Variants in USH2A observed in about 807,000 individuals in gnomAD.
USH2A encodes the protein usherin, also known as Usher syndrome 2A (autosomal recessive, mild).
A neutral mutation model predicts 538.9 loss-of-function variants in USH2A; 443 were observed. The ratio of observed to expected loss-of-function variants is 0.82; its 90% CI spans 0.76 to 0.89. USH2A has a LOEUF of 0.89. Ranked by LOEUF, USH2A falls within the 40% of genes least tolerant of loss-of-function variation. The pLI is 0.00. For missense variants in USH2A, 6,633 were observed against 6,324.8 expected (o/e 1.05, Z -1.65); for synonymous variants, 2,413 against 2,273.5 (o/e 1.06, Z -1.75).
At position 216,331,173 on chromosome 1, in the gene USH2A, G is replaced by A. The variant is rs1201513251; in HGVS notation, c.785-3519C>T. 4.6e-5 allele frequency among the ~76,000 whole-genome samples: 7 copies of A among 151,982 alleles called. No homozygotes were observed. In the East Asian group the frequency reaches 1.4e-3, roughly 29 times the overall value. ...CCCAAATAAAAGAATTATGATTTGA[G>A]GTGAGAATACTATCAAATATTTCAA... On this transcript the variant is annotated intron_variant, in intron 4 of 71. Coordinates refer to ENST00000307340, the MANE Select transcript of USH2A (RefSeq NM_206933.4).
At chr1:215,738,679 G>C (rs1353759755) in intron 60 of USH2A, among the ~76,000 whole-genome samples, 2 of 152,138 alleles carry the variant, frequency 1.3e-5, no homozygotes, top group Non-Finnish European at 2.9e-5. Context: ...TTGGTGAGAA[G>C]AGAGTGGCAA....
chr1:215,669,003 A>C (rs1240450686), intron 64 of USH2A, among the ~76,000 whole-genome samples: 1 of 152,166 alleles, frequency 6.6e-6, no homozygotes, highest in Non-Finnish European at 1.5e-5. Context: ...AGATCTCACC[A>C]CTGCACTCCA....
intron 4 of USH2A, among the ~76,000 whole-genome samples, chr1:216,357,074 T>A (rs1000462812): frequency 6.6e-6 from 1 of 152,124 alleles, no homozygotes; most frequent in Non-Finnish European, 1.5e-5. Context: ...ATGCTAGAAT[T>A]ATAGAAACAC....
intron 9 of USH2A, 140 bp downstream of exon 9, chr1:216,321,742 AT>A: frequency 1.3e-6 from 1 of 742,218 alleles, no homozygotes; most frequent in East Asian, 2.7e-5. Flanking sequence ...TTCTTAAAAA[AT>A]CTGCAATAAT....
chr1:216,242,994 T>C (rs746342781), intron 13 of USH2A, among the ~76,000 whole-genome samples: 1 of 152,192 alleles, frequency 6.6e-6, no homozygotes, highest in Non-Finnish European at 1.5e-5. Context: ...GATTTCTCAG[T>C]AAGAGAAATG....
At chr1:216,141,192 A>T (rs983787975) in intron 21 of USH2A, among the ~76,000 whole-genome samples, 14 of 152,198 alleles carry the variant, frequency 9.2e-5, no homozygotes, top group African/African-American at 3.4e-4. Context: ...TCTAATTAAG[A>T]TTCTTACCAT....
intron 32 of USH2A, among the ~76,000 whole-genome samples, chr1:216,014,431 C>A (rs1039828531): frequency 6.6e-6 from 1 of 152,208 alleles, no homozygotes; most frequent in Admixed American, 6.5e-5. Flanking sequence ...CTCCTCCTAG[C>A]TTAACTGCAA....
chr1:215,634,405 A>G, intron 70 of USH2A, 54 bp downstream of exon 70: 1 of 1,613,392 alleles, frequency 6.2e-7, no homozygotes, highest in Non-Finnish European at 8.5e-7. Flanking sequence ...CAGAAGGAAA[A>G]CAAGTATTCT....
chr1:216,002,719 T>C (rs1668293667), intron 32 of USH2A, among the ~76,000 whole-genome samples: 1 of 152,112 alleles, frequency 6.6e-6, no homozygotes, highest in African/African-American at 2.4e-5. Context: ...CCTTCTTTCT[T>C]ACATTCTACT....
At chr1:216,117,881 G>GAT (rs1365555257) in intron 21 of USH2A, among the ~76,000 whole-genome samples, 5 of 149,566 alleles carry the variant, frequency 3.3e-5, no homozygotes, top group East Asian at 2.0e-4. Context: ...CACATATATA[G>GAT]ATATATATAT....
chr1:215,633,900 G>C (rs776536651), intron 70 of USH2A, among the ~76,000 whole-genome samples: 4 of 152,042 alleles, frequency 2.6e-5, no homozygotes, highest in Non-Finnish European at 5.9e-5. Flanking sequence ...TCCTATTTTG[G>C]GAGTGAGTGG....
intron 38 of USH2A, among the ~76,000 whole-genome samples, chr1:215,901,812 C>T (rs1359876492): frequency 6.6e-6 from 1 of 152,120 alleles, no homozygotes; most frequent in Admixed American, 6.6e-5. Context: ...TCAGCTTGTT[C>T]CAAATCATAT....
At position 215,752,887 on chromosome 1, in the gene USH2A, A is replaced by G. The variant is rs562020481; in HGVS notation, c.11389+5708T>C. ...AGTGAACAGGCAACCTACAGAATGGAAGAAAATTTTTGCATTCTACTCATC... is the reference window on the plus strand; with the variant it reads ...AGTGAACAGGCAACCTACAGAATGGGAGAAAATTTTTGCATTCTACTCATC... On this transcript the variant is annotated intron_variant, in intron 58 of 71. Transcript: ENST00000307340. 1.2e-3 allele frequency among the ~76,000 whole-genome samples: 187 copies of G among 152,278 alleles called. 2 individuals are homozygous for G. Among genetic ancestry groups the G allele is most frequent in the Admixed American group, 0.011 (165 of 15,278 alleles).
rs142509469 is a variant in USH2A at position 215,958,946 on chromosome 1, A to G, written c.7120+6371T>C. ...AGTTAAATTTAACATCCCACAAGTCACCAAAAGACTTTTCCTGAATAATCA... is the reference window on the plus strand; with the variant it reads ...AGTTAAATTTAACATCCCACAAGTCGCCAAAAGACTTTTCCTGAATAATCA... On this transcript the variant is annotated intron_variant, in intron 37 of 71. Coordinates refer to ENST00000307340, the MANE Select transcript of USH2A (RefSeq NM_206933.4). 1.8e-4 allele frequency among the ~76,000 whole-genome samples: 27 copies of G among 152,212 alleles called. No homozygotes were observed. In the East Asian group the frequency reaches 3.5e-3, roughly 20 times the overall value.
At chr1:215,873,573 G>A (rs1664676538) in intron 43 of USH2A, among the ~76,000 whole-genome samples, 1 of 152,028 alleles carries the variant, frequency 6.6e-6, no homozygotes, top group Non-Finnish European at 1.5e-5. Flanking sequence ...TTTAGGACTT[G>A]AAACATCTTT....
chr1:215,963,297 A>C (rs1481170635), intron 37 of USH2A, among the ~76,000 whole-genome samples: 1 of 152,106 alleles, frequency 6.6e-6, no homozygotes, highest in East Asian at 1.9e-4. Context: ...GTGACAGGAC[A>C]AGACAATATT....
chr1:216,199,907 A>G lies in USH2A; in HGVS notation c.3531T>C (p.Gly1177=), dbSNP rs149570469. The G allele has an allele frequency of 3.9e-4, 629 of 1,614,090 alleles. 2 individuals carry two copies. Among genetic ancestry groups the G allele is most frequent in the Non-Finnish European group, 1.8e-4 (218 of 1,179,994 alleles). Residue 1177 remains glycine, a synonymous_variant, in exon 17 of 72, where the codon GGT becomes GGC. Coordinates refer to ENST00000307340, the MANE Select transcript of USH2A (RefSeq NM_206933.4). The part of the protein sequence containing the change: ...LTWTTLSNQS[G]PIEKYILSCA... ...AGGACAAAATATATTTCTCTATGGG[A>G]CCAGATTGATTTGAGAGTGTTGTCC...
intron 38 of USH2A, among the ~76,000 whole-genome samples, chr1:215,909,241 A>C (rs887210838): frequency 1.3e-5 from 2 of 151,888 alleles, no homozygotes; most frequent in African/African-American, 4.8e-5. Flanking sequence ...GATAAAGGCA[A>C]AACTATAGAG....
chr1:215,866,441 G>A (rs1170336925), intron 44 of USH2A, among the ~76,000 whole-genome samples: 1 of 152,200 alleles, frequency 6.6e-6, no homozygotes, highest in Admixed American at 6.5e-5. Context: ...AGTGGATCCA[G>A]TGGTGATGTC....
Sources: gnomAD v4.1 joint callset for allele counts (sites outside exome capture counted in the v4.1 genomes callset) on GRCh38, gnomAD v4.1.1 for gene constraint, MANE v1.5 for transcripts, NCBI Gene and HGNC (gene_info 2026-07-23, HGNC 2026-07-21) for gene names.